The following ESR1 variants were observed in gnomAD, a reference collection of about 807,000 sequenced individuals.
The protein encoded by ESR1 is estrogen receptor 1, also known as estrogen receptor.
A neutral mutation model predicts 52.7 loss-of-function variants in ESR1; 12 were observed. The observed-to-expected ratio is 0.23, with a 90% confidence interval of 0.15 to 0.37. ESR1 has a LOEUF of 0.37. Ranked by LOEUF, ESR1 falls within the 10% of genes least tolerant of loss-of-function variation. The pLI, the probability that ESR1 is intolerant of heterozygous loss-of-function variation, is 1.00. For synonymous variants in ESR1, 305 were observed against 316.8 expected (o/e 0.96, Z 0.39); for missense variants, 584 against 779.7 (o/e 0.75, Z 2.99).
intron 2 of ESR1, among the ~76,000 whole-genome samples, chr6:151,858,809 A>G (rs1338771052): frequency 6.6e-6 from 1 of 152,132 alleles, no homozygotes; most frequent in Non-Finnish European, 1.5e-5. Flanking sequence ...TAAATACTTA[A>G]TAGTATATTT....
chr6:151,963,090 TC>T lies in ESR1; in HGVS notation c.1096+18588del, dbSNP rs201040337. On this transcript the variant is annotated intron_variant, in intron 4 of 7. Coordinates refer to ENST00000206249, the MANE Select transcript of ESR1 (RefSeq NM_000125.4). Reference sequence around the variant, plus strand: ...AGACTTCCTCCATTCATGCCTTCCTTCCCCCCTCCCTCCCTTCCTTTGCTCT... The same window carrying T: ...AGACTTCCTCCATTCATGCCTTCCTTCCCCCTCCCTCCCTTCCTTTGCTCT... 8.0e-3 allele frequency among the ~76,000 whole-genome samples: 1,222 copies of T among 152,182 alleles called. 15 individuals are homozygous for T. Among genetic ancestry groups the T allele is most frequent in the African/African-American group, 0.023 (942 of 41,522 alleles).
At chr6:151,727,823 A>T (rs890548617) in intron 2 of ESR1, among the ~76,000 whole-genome samples, 49 of 151,520 alleles carry the variant, frequency 3.2e-4, no homozygotes, top group African/African-American at 1.2e-3. Flanking sequence ...TTCGCTACTC[A>T]CTCTGTCTCT....
chr6:151,725,258 A>G (rs1319888115), intron 2 of ESR1, among the ~76,000 whole-genome samples: 1 of 152,028 alleles, frequency 6.6e-6, no homozygotes, highest in African/African-American at 2.4e-5. Flanking sequence ...ATATTTGTTG[A>G]TTGGAGCATA....
chr6:151,901,127 G>A (rs761646782), intron 3 of ESR1, among the ~76,000 whole-genome samples: 10 of 152,168 alleles, frequency 6.6e-5, no homozygotes, highest in Non-Finnish European at 1.3e-4. Flanking sequence ...AGGCTGTGCT[G>A]TGGGGCAGGG....
intron 2 of ESR1, among the ~76,000 whole-genome samples, chr6:151,743,742 T>C (rs1042746458): frequency 2.0e-5 from 3 of 152,212 alleles, no homozygotes; most frequent in African/African-American, 7.2e-5. Flanking sequence ...GTGTCATTTA[T>C]TAAAACAAAC....
chr6:151,864,565 T>G (rs1050064795), intron 2 of ESR1, among the ~76,000 whole-genome samples: 3 of 152,176 alleles, frequency 2.0e-5, no homozygotes, highest in African/African-American at 7.2e-5. Context: ...AAATACCATT[T>G]GACCCAGCCA....
intron 6 of ESR1, among the ~76,000 whole-genome samples, chr6:152,073,812 A>G (rs1464987479): frequency 1.3e-5 from 2 of 152,196 alleles, no homozygotes; most frequent in Non-Finnish European, 1.5e-5. Flanking sequence ...CCCCGCCTCA[A>G]GCCCCTCCAG....
rs1782553730 is a variant in ESR1 at position 151,832,221 on chromosome 6, C to T, written c.453-10376C>T. Among the ~76,000 whole-genome samples, 3 of 152,138 alleles carry T rather than the reference C, an allele frequency of 2.0e-5. No individual in the cohort carries two copies. In the South Asian group the frequency reaches 6.2e-4, roughly 31 times the overall value. ...ATGCAGGAAACAATTTTTAACTTGC[C>T]TACCCCAGAACATAGCTACCACATG... On this transcript the variant is annotated intron_variant, in intron 1 of 7. Coordinates refer to ENST00000206249, the MANE Select transcript of ESR1 (RefSeq NM_000125.4).
At chr6:151,918,543 C>T (rs771527750) in intron 3 of ESR1, among the ~76,000 whole-genome samples, 6 of 152,144 alleles carry the variant, frequency 3.9e-5, no homozygotes, top group Non-Finnish European at 8.8e-5. Flanking sequence ...ATTATGGTTA[C>T]CCATAAATAT....
chr6:152,119,422 T>G (rs1369422921), intron 6 of ESR1, among the ~76,000 whole-genome samples: 1 of 152,230 alleles, frequency 6.6e-6, no homozygotes, highest in Non-Finnish European at 1.5e-5. Flanking sequence ...GATTTCTTAT[T>G]AAGTTACTAC....
intron 2 of ESR1, among the ~76,000 whole-genome samples, chr6:151,846,733 T>C (rs990982563): frequency 3.3e-5 from 5 of 152,228 alleles, no homozygotes; most frequent in Non-Finnish European, 7.3e-5. Flanking sequence ...ACGCATTCTT[T>C]TTAAAAAGCA....
chr6:151,746,705 G>A (rs1783509174), intron 2 of ESR1, among the ~76,000 whole-genome samples: 1 of 152,328 alleles, frequency 6.6e-6, no homozygotes, highest in South Asian at 2.1e-4. Flanking sequence ...AGTATTATGA[G>A]AGAAAACATA....
intron 6 of ESR1, chr6:152,122,766 G>C: frequency 6.3e-7 from 1 of 1,594,438 alleles, no homozygotes; most frequent in South Asian, 1.1e-5. Context: ...GAAGCTAAAG[G>C]GCCATGCCAA....
chr6:151,850,516 T>C (rs1483304133), intron 2 of ESR1, among the ~76,000 whole-genome samples: 1 of 151,678 alleles, frequency 6.6e-6, no homozygotes, highest in East Asian at 1.9e-4. Context: ...ACACCAAAGA[T>C]TGCTGGTGCC....
intron 2 of ESR1, among the ~76,000 whole-genome samples, chr6:151,790,601 C>T (rs1776061366): frequency 6.6e-6 from 1 of 151,188 alleles, no homozygotes; most frequent in Non-Finnish European, 1.5e-5. Flanking sequence ...TTTTTTAATC[C>T]CACATGGTGA....
rs565024296 is a variant in ESR1 at position 152,053,391 on chromosome 6, G to A, written c.1236-7600G>A. 6.6e-6 allele frequency among the ~76,000 whole-genome samples: 1 copy of A among 152,158 alleles called. No individual in the cohort carries two copies. Among genetic ancestry groups the A allele is most frequent in the South Asian group, 2.1e-4 (1 of 4,814 alleles). ...GCTCCCAAATTGCCTCCCTCTGCCA[G>A]TTTCTTGCCCCTTCCTCCTTCTGTC... On this transcript the variant is annotated intron_variant, in intron 5 of 7. Coordinates refer to ENST00000206249, the MANE Select transcript of ESR1 (RefSeq NM_000125.4). This position sits in a 1 kb window ranked among gnomAD's most constrained non-coding sequence, Gnocchi z 4.1.
At chr6:151,997,651 T>C (rs2041610123) in intron 4 of ESR1, among the ~76,000 whole-genome samples, 1 of 152,130 alleles carries the variant, frequency 6.6e-6, no homozygotes, top group Non-Finnish European at 1.5e-5. Context: ...ACCTAGGTAA[T>C]TTTTCAGCAA....
chr6:151,772,814 G>A (rs1378422110), intron 2 of ESR1, among the ~76,000 whole-genome samples: 1 of 152,194 alleles, frequency 6.6e-6, no homozygotes, highest in African/African-American at 2.4e-5. Context: ...AAAGCTCTGG[G>A]TGGTTGTAAA....
At chr6:152,116,350 C>T (rs1323383479) in intron 6 of ESR1, among the ~76,000 whole-genome samples, 2 of 152,138 alleles carry the variant, frequency 1.3e-5, no homozygotes, top group East Asian at 3.8e-4. Context: ...AAAAGAGATA[C>T]TGAGATCTCT....
Sources: gnomAD v4.1 joint callset for allele counts (sites outside exome capture counted in the v4.1 genomes callset) on GRCh38, gnomAD v4.1.1 for gene constraint, Gnocchi (gnomAD v3.1) non-coding constraint, MANE v1.5 for transcripts, NCBI Gene and HGNC (gene_info 2026-07-23, HGNC 2026-07-21) for gene names.